RBPJ: variants seen among roughly 807,000 people sequenced by gnomAD.
RBPJ encodes the protein recombining binding protein suppressor of hairless.
Under a neutral mutation model 67.8 loss-of-function variants are expected in RBPJ, and 9 were observed. The observed-to-expected ratio is 0.13, with a 90% confidence interval of 0.08 to 0.23. RBPJ has a LOEUF of 0.23. RBPJ is among the 10% of genes least tolerant of loss of function. The probability of loss-of-function intolerance (pLI) is 1.00; values close to 1 mark genes in which losing one functional copy is unlikely to be tolerated. For missense variants in RBPJ, 305 were observed against 595.6 expected (o/e 0.51, Z 5.08); for synonymous variants, 198 against 203.3 (o/e 0.97, Z 0.22).
At chr4:26,270,505 G>A (rs966180472) in intron 1 of RBPJ, among the ~76,000 whole-genome samples, 3 of 150,684 alleles carry the variant, frequency 2.0e-5, no homozygotes, top group Non-Finnish European at 4.4e-5. Flanking sequence ...AAGGAAGGAA[G>A]GAAGGAGAAA....
the RBPJ span, among the ~76,000 whole-genome samples, chr4:26,153,808 G>T: frequency 1.3e-5 from 2 of 152,130 alleles, no homozygotes; most frequent in Admixed American, 1.3e-4. Flanking sequence ...CATAACATGA[G>T]GTCAGGTGTG....
chr4:26,342,109 G>A (rs1725598930), intron 1 of RBPJ, among the ~76,000 whole-genome samples: 1 of 152,128 alleles, frequency 6.6e-6, no homozygotes, highest in South Asian at 2.1e-4. Context: ...GTCTGCAGTG[G>A]AACTCCAAGA....
chr4:26,387,722 A>G (rs2109642865), intron 2 of RBPJ, among the ~76,000 whole-genome samples: 1 of 152,206 alleles, frequency 6.6e-6, no homozygotes, highest in South Asian at 2.1e-4. Context: ...TAAGAAAACT[A>G]CTCCGTGGTG....
At chr4:26,317,736 T>C (rs1444257998), upstream of RBPJ, among the ~76,000 whole-genome samples, 1 of 152,154 alleles carries the variant, frequency 6.6e-6, no homozygotes, top group Non-Finnish European at 1.5e-5. Flanking sequence ...CAATTGTATC[T>C]TGGGTGTGAG....
In RBPJ at chr4:26,358,020, CGTGTGTGT is replaced by C. The variant is rs4069724; in HGVS notation, c.21-28308_21-28301del. ...TTTTGTATGTTTTTGAGGGGGTATT[CGTGTGTGT>C]GTGTGTGTGTGTGTGTGTGTGTGTA... is the stretch of plus-strand genomic sequence containing the variant. On this transcript the variant is annotated intron_variant, in intron 1 of 10. Transcript: ENST00000355476. Among the ~76,000 whole-genome samples the C allele has an allele frequency of 7.7e-4, 112 of 145,118 alleles. 2 individuals carry two copies. The East Asian group carries it at 0.017, about 23-fold the overall frequency.
At chr4:26,275,055 G>A (rs549969398) in intron 1 of RBPJ, among the ~76,000 whole-genome samples, 1 of 152,288 alleles carries the variant, frequency 6.6e-6, no homozygotes, top group East Asian at 1.9e-4. Context: ...ATGGGATAGG[G>A]AGATGGCCAC....
intron 1 of RBPJ, among the ~76,000 whole-genome samples, chr4:26,252,472 A>T (rs1720146727): frequency 6.7e-6 from 1 of 149,580 alleles, no homozygotes; most frequent in Admixed American, 6.6e-5. Flanking sequence ...CTGTGGTCAC[A>T]GCTCTCAGAA....
At chr4:26,183,524 G>A (rs1379143577) in intron 1 of RBPJ, among the ~76,000 whole-genome samples, 2 of 152,202 alleles carry the variant, frequency 1.3e-5, no homozygotes, top group Non-Finnish European at 2.9e-5. Context: ...AAGCCAGTTT[G>A]TTTTTCACTT....
intron 1 of RBPJ, among the ~76,000 whole-genome samples, chr4:26,335,671 G>T (rs1277198838): frequency 7.1e-6 from 1 of 141,272 alleles, no homozygotes. Flanking sequence ...CCATGCTGGA[G>T]TGCAGTGCTA....
At chr4:26,402,467 C>G (rs1274577788) in intron 2 of RBPJ, among the ~76,000 whole-genome samples, 2 of 152,186 alleles carry the variant, frequency 1.3e-5, no homozygotes, top group Non-Finnish European at 2.9e-5. Flanking sequence ...GTTTTCTTAT[C>G]CATTAGACAT....
upstream of RBPJ, among the ~76,000 whole-genome samples, chr4:26,315,167 A>AAT (rs67496694): frequency 0.025 from 1,838 of 74,266 alleles, 158 homozygotes; most frequent in Non-Finnish European, 0.03. Flanking sequence ...AAAAAAAAAA[A>AAT]ATATATATAT....
rs1377784469 is a variant in RBPJ at position 26,215,033 on chromosome 4, GAA to G, written c.-167+51421_-167+51422del. On this transcript the variant is annotated intron_variant, in intron 1 of 4. Transcript: ENST00000512351. ...GAAGGAGAGAAAGAAAGAAAGAAAA[GAA>G]AGAGGGAGGGAGGGAAGAGAGAGAG... Among the ~76,000 whole-genome samples, 45 of 55,494 alleles carry G rather than the reference GAA, an allele frequency of 8.1e-4. 1 individual carries two copies. The highest frequency in any genetic ancestry group is 2.9e-3 in the African/African-American group (45 of 15,326). The allele number at this position is 55,494 out of a possible 152,430, so 36.4% of individuals were successfully genotyped here.
chr4:26,401,887 C>CT (rs58935903), intron 2 of RBPJ, among the ~76,000 whole-genome samples: 5,904 of 129,666 alleles, frequency 0.046, 179 homozygotes, highest in Middle Eastern at 0.076. Context: ...TTCTTTCTTT[C>CT]TTTTTTTTTT....
the RBPJ span, among the ~76,000 whole-genome samples, chr4:26,114,469 A>G: frequency 2.6e-5 from 3 of 116,836 alleles, 1 homozygote; most frequent in African/African-American, 1.5e-4. Flanking sequence ...AAAAAAAAAA[A>G]AGAATGTACA....
At chr4:26,391,171 C>A (rs1731464893) in intron 2 of RBPJ, among the ~76,000 whole-genome samples, 1 of 151,932 alleles carries the variant, frequency 6.6e-6, no homozygotes, top group Admixed American at 6.6e-5. Context: ...CAAGCTGTTT[C>A]TAAAATTTAT....
intron 1 of RBPJ, among the ~76,000 whole-genome samples, chr4:26,272,375 G>A (rs1350373045): frequency 6.6e-6 from 1 of 152,130 alleles, no homozygotes; most frequent in Non-Finnish European, 1.5e-5. Flanking sequence ...AGACCAGCCT[G>A]GGCAATGTAG....
Position 26,430,248 on chromosome 4 carries a change from T to G in RBPJ, c.1045-171T>G, listed in dbSNP as rs1736082290. ...GCGTACTTGCCAGAAAATTTAAATGTAAATAAACTTGTATGTTATCTTGAA... is the reference window on the plus strand; with the variant it reads ...GCGTACTTGCCAGAAAATTTAAATGGAAATAAACTTGTATGTTATCTTGAA... On this transcript the variant is annotated intron_variant, in intron 9 of 10. Transcript: ENST00000355476. The surrounding 1 kb of genome is among the most constrained non-coding windows in gnomAD (Gnocchi z 4.1). The G allele has an allele frequency of 3.5e-6, 3 of 850,106 alleles. No homozygotes were observed. In the Admixed American group the frequency reaches 8.1e-5, roughly 23 times the overall value. 52.7% of individuals were successfully genotyped at this position (850,106 alleles called of 1,614,324 possible). A position where few individuals can be genotyped will look rare whatever the true frequency, so the allele number is the denominator to read the frequency against.
At chr4:26,414,337 TTTTGTA>T (rs1401697402) in intron 3 of RBPJ, among the ~76,000 whole-genome samples, 1 of 151,878 alleles carries the variant, frequency 6.6e-6, no homozygotes, top group African/African-American at 2.4e-5. Context: ...GCCCACTAAT[TTTTGTA>T]TTTTTTGTAG....
At chr4:26,215,554 T>A (rs995508264) in intron 1 of RBPJ, among the ~76,000 whole-genome samples, 5 of 152,160 alleles carry the variant, frequency 3.3e-5, no homozygotes, top group African/African-American at 1.2e-4. Flanking sequence ...GCTAAACGAC[T>A]GAAATGTGCT....
Sources: allele counts gnomAD v4.1 joint callset (sites outside exome capture counted in the v4.1 genomes callset), GRCh38; gene constraint gnomAD v4.1.1; non-coding constraint Gnocchi (gnomAD v3.1); transcripts MANE v1.5; gene names NCBI Gene and HGNC (gene_info 2026-07-23, HGNC 2026-07-21).